Variants in CNTNAP4 observed in about 807,000 individuals in gnomAD.
CNTNAP4 encodes contactin-associated protein-like 4.
A neutral mutation model predicts 148.4 loss-of-function variants in CNTNAP4; 98 were observed. That is an observed-to-expected ratio of 0.66 (90% CI 0.56 to 0.78). CNTNAP4 has a LOEUF of 0.78. Ranked by LOEUF, CNTNAP4 falls within the 30% of genes least tolerant of loss-of-function variation. The pLI is 0.00. For synonymous variants in CNTNAP4, 730 were observed against 565.1 expected (o/e 1.29, Z -4.14); for missense variants, 1,935 against 1,565.6 (o/e 1.24, Z -3.98).
chr16:76,384,630 A>C (rs1369204358), intron 3 of CNTNAP4, among the ~76,000 whole-genome samples: 1 of 152,098 alleles, frequency 6.6e-6, no homozygotes, highest in Admixed American at 6.6e-5. Flanking sequence ...CTACCTTAGG[A>C]GATTCCGCGC....
intron 3 of CNTNAP4, among the ~76,000 whole-genome samples, chr16:76,356,498 C>G (rs1282508002): frequency 1.3e-5 from 2 of 152,080 alleles, no homozygotes; most frequent in African/African-American, 4.8e-5. Context: ...ATAAATAAAC[C>G]TGGATATGGC....
chr16:76,399,724 T>C (rs2078335504), intron 3 of CNTNAP4, among the ~76,000 whole-genome samples: 1 of 152,232 alleles, frequency 6.6e-6, no homozygotes. Context: ...AAGAAATCTA[T>C]AATCTTATCA....
intron 21 of CNTNAP4, among the ~76,000 whole-genome samples, chr16:76,551,068 C>T (rs1054604928): frequency 2.0e-5 from 3 of 151,934 alleles, no homozygotes; most frequent in East Asian, 1.9e-4. Context: ...TTTATTATTA[C>T]GTAGAAAACA....
At chr16:76,344,376 A>G (rs1003909917) in intron 2 of CNTNAP4, among the ~76,000 whole-genome samples, 8 of 152,330 alleles carry the variant, frequency 5.3e-5, no homozygotes, top group African/African-American at 1.9e-4. Context: ...CCACCTATCT[A>G]TACAGGCAAA....
intron 1 of CNTNAP4, among the ~76,000 whole-genome samples, chr16:76,306,042 T>C (rs373985420): frequency 6.6e-6 from 1 of 152,350 alleles, no homozygotes; most frequent in East Asian, 1.9e-4. Flanking sequence ...TATCACAGTT[T>C]CTTTATCCAG....
chr16:76,542,356 A>G (rs1175208570), intron 21 of CNTNAP4, among the ~76,000 whole-genome samples: 2 of 152,188 alleles, frequency 1.3e-5, no homozygotes, highest in African/African-American at 2.4e-5. Context: ...ATTTCTGAAC[A>G]TTATTTTTTA....
intron 3 of CNTNAP4, among the ~76,000 whole-genome samples, chr16:76,398,202 C>G (rs1008161331): frequency 5.3e-5 from 8 of 151,300 alleles, no homozygotes; most frequent in East Asian, 2.0e-4. Context: ...TGCTTTTATT[C>G]TGGCCATGCT....
chr16:76,416,858 T>C (rs372389557), intron 3 of CNTNAP4, among the ~76,000 whole-genome samples: 1 of 151,438 alleles, frequency 6.6e-6, no homozygotes, highest in East Asian at 1.9e-4. Flanking sequence ...CTTGCCATTC[T>C]ATCAGTATTT....
rs17766740 is a variant in CNTNAP4, at chr16:76,355,237, G to A, written c.197-81G>A. ...TTAAGTTCCATAGAGGAATACAGTC[G>A]TACTGGCATTTCTTTACAAACATAG... On this transcript the variant is annotated intron_variant, in intron 2 of 23. Transcript: ENST00000611870. 124 of 1,029,084 alleles carry A rather than the reference G, an allele frequency of 1.2e-4. No homozygotes were observed. In the African/African-American group the frequency reaches 1.4e-3, roughly 11 times the overall value. 63.7% of individuals were successfully genotyped at this position (1,029,084 alleles called of 1,614,324 possible).
chr16:76,482,320 CAAAA>C (rs533534996), intron 12 of CNTNAP4, among the ~76,000 whole-genome samples: 112 of 151,894 alleles, frequency 7.4e-4, no homozygotes, highest in African/African-American at 2.6e-3. Flanking sequence ...AACAAAAAGC[CAAAA>C]ATAACGACAC....
At chr16:76,410,229 T>A (rs142039166) in intron 3 of CNTNAP4, among the ~76,000 whole-genome samples, 207 of 151,908 alleles carry the variant, frequency 1.4e-3, no homozygotes, top group African/African-American at 4.7e-3. Context: ...GAATAATGAT[T>A]GTTGATGTTT....
chr16:76,522,609 A>C (rs60157119), intron 17 of CNTNAP4, among the ~76,000 whole-genome samples: 48 of 42,298 alleles, frequency 1.1e-3, no homozygotes, highest in African/African-American at 1.7e-3. Context: ...TCTTTTCTTT[A>C]TTTCCTTCCT....
In CNTNAP4 at chr16:76,456,555, T is replaced by G. The variant is rs148197590; in HGVS notation, c.1333+3786T>G. 4.6e-5 allele frequency among the ~76,000 whole-genome samples: 7 copies of G among 152,270 alleles called. No individual in the cohort carries two copies. In the South Asian group the frequency reaches 1.4e-3, roughly 32 times the overall value. On this transcript the variant is annotated intron_variant, in intron 8 of 23. Coordinates refer to ENST00000611870, the MANE Select transcript of CNTNAP4 (RefSeq NM_033401.5). ...AAGTAGTCATGATTTTTCCCCACCT[T>G]CATTTCATTATAGTCACAGAATGGC...
At chr16:76,377,661 G>A (rs1026792158) in intron 3 of CNTNAP4, among the ~76,000 whole-genome samples, 1 of 152,146 alleles carries the variant, frequency 6.6e-6, no homozygotes, top group African/African-American at 2.4e-5. Flanking sequence ...TCAGTCTGGA[G>A]GGGCAAAGTT....
In CNTNAP4 at chr16:76,559,593, A is replaced by G. The variant is rs1467364870; in HGVS notation, c.*910A>G. ...AACTGTAATACCTCAAATGAAATAT[A>G]CTTATGAGACTATTTTGCCCAAACC... On this transcript the variant is annotated 3_prime_UTR_variant, in exon 24 of 24. Coordinates refer to ENST00000611870, the MANE Select transcript of CNTNAP4 (RefSeq NM_033401.5). Among the ~76,000 whole-genome samples the G allele has an allele frequency of 6.6e-6, 1 of 152,190 alleles. No homozygotes were observed. The highest frequency in any genetic ancestry group is 1.9e-4 in the East Asian group (1 of 5,196).
At chr16:76,457,671 C>T (rs7187268) in intron 8 of CNTNAP4, among the ~76,000 whole-genome samples, 52,570 of 151,784 alleles carry the variant, frequency 0.35, 10,078 homozygotes, top group Non-Finnish European at 0.42. Flanking sequence ...TTTAACTGAT[C>T]TATGATGAGA....
At chr16:76,486,413 A>G (rs968695883) in intron 12 of CNTNAP4, among the ~76,000 whole-genome samples, 1 of 152,230 alleles carries the variant, frequency 6.6e-6, no homozygotes, top group African/African-American at 2.4e-5. Context: ...CACAGAAACA[A>G]ATGTGCATAC....
chr16:76,355,254 C>T (rs1597297673), intron 2 of CNTNAP4, 64 bp from the exon 3 acceptor site: 1 of 1,285,262 alleles, frequency 7.8e-7, no homozygotes, highest in East Asian at 2.5e-5. Flanking sequence ...CATTTCTTTA[C>T]AAACATAGAT....
chr16:76,300,312 A>G (rs1373279528), intron 1 of CNTNAP4, among the ~76,000 whole-genome samples: 1 of 152,096 alleles, frequency 6.6e-6, no homozygotes, highest in Non-Finnish European at 1.5e-5. Flanking sequence ...GTCCTCAAAT[A>G]CTTGCTGAAA....
Sources: allele counts gnomAD v4.1 joint callset (sites outside exome capture counted in the v4.1 genomes callset), GRCh38; gene constraint gnomAD v4.1.1; transcripts MANE v1.5; gene names NCBI Gene and HGNC (gene_info 2026-07-23, HGNC 2026-07-21).